The following GPR137C variants were observed in gnomAD, a reference collection of about 807,000 sequenced individuals.
GPR137C encodes G protein-coupled receptor 137C, also known as integral membrane protein GPR137C.
A neutral mutation model predicts 43.4 loss-of-function variants in GPR137C; 27 were observed. That is an observed-to-expected ratio of 0.62 (90% confidence interval 0.46 to 0.86). The LOEUF (loss-of-function observed/expected upper bound fraction) is 0.86, where lower values mean the gene tolerates loss of function less well. Among genes scored for constraint, GPR137C ranks in the 40% least tolerant of loss-of-function variants. The probability of loss-of-function intolerance (pLI) is 0.00; values close to 1 mark genes in which losing one functional copy is unlikely to be tolerated. For synonymous variants in GPR137C, 285 were observed against 226.9 expected (o/e 1.26, Z -2.30); for missense variants, 522 against 534.6 (o/e 0.98, Z 0.23).
intron 1 of GPR137C, among the ~76,000 whole-genome samples, chr14:52,585,844 A>AAT (rs1168467775): frequency 6.6e-6 from 1 of 152,130 alleles, no homozygotes; most frequent in African/African-American, 2.4e-5. Flanking sequence ...CAAAAAAAAA[A>AAT]GAAAAGAAAA....
At chr14:52,625,386 G>A (rs1450035220) in intron 3 of GPR137C, among the ~76,000 whole-genome samples, 1 of 150,380 alleles carries the variant, frequency 6.6e-6, no homozygotes, top group African/African-American at 2.4e-5. Context: ...GGAGACTGAG[G>A]CAGGAGAATC....
At chr14:52,576,437 G>A (rs117258857) in intron 1 of GPR137C, among the ~76,000 whole-genome samples, 2,871 of 152,252 alleles carry the variant, frequency 0.019, 60 homozygotes, top group Non-Finnish European at 0.023. Context: ...ATAGAGTGAA[G>A]GTGTCTTTTT....
At chr14:52,595,533 C>T (rs2038842757) in intron 1 of GPR137C, among the ~76,000 whole-genome samples, 1 of 152,020 alleles carries the variant, frequency 6.6e-6, no homozygotes, top group Non-Finnish European at 1.5e-5. Flanking sequence ...ACTCTTTTTT[C>T]TCTAATCTTG....
intron 1 of GPR137C, among the ~76,000 whole-genome samples, chr14:52,576,253 T>A (rs2038550233): frequency 6.6e-6 from 1 of 152,234 alleles, no homozygotes; most frequent in Admixed American, 6.5e-5. Flanking sequence ...TTATTTTACT[T>A]AGGATAATGG....
intron 1 of GPR137C, among the ~76,000 whole-genome samples, chr14:52,561,775 A>G (rs760896753): frequency 6.6e-6 from 1 of 152,094 alleles, no homozygotes; most frequent in African/African-American, 2.4e-5. Context: ...GAAAGTGCAA[A>G]CCTATGGTCA....
intron 3 of GPR137C, among the ~76,000 whole-genome samples, chr14:52,629,562 C>A (rs1033278905): frequency 3.3e-5 from 5 of 152,274 alleles, no homozygotes; most frequent in Admixed American, 3.3e-4. Context: ...ATCTCAGAAA[C>A]ATTCTGCAGA....
At chr14:52,561,060 A>G (rs1324215878) in intron 1 of GPR137C, among the ~76,000 whole-genome samples, 1 of 152,010 alleles carries the variant, frequency 6.6e-6, no homozygotes, top group Non-Finnish European at 1.5e-5. Flanking sequence ...CACAAAAAAG[A>G]TATATGCATA....
At chr14:52,579,339 A>G (rs2038610560) in intron 1 of GPR137C, among the ~76,000 whole-genome samples, 1 of 152,202 alleles carries the variant, frequency 6.6e-6, no homozygotes, top group Non-Finnish European at 1.5e-5. Flanking sequence ...GCCAGGATGA[A>G]GAAGAGGCAT....
intron 1 of GPR137C, among the ~76,000 whole-genome samples, chr14:52,555,198 G>A (rs946200893): frequency 1.3e-5 from 2 of 152,070 alleles, no homozygotes; most frequent in African/African-American, 4.8e-5. Context: ...GGCATCAGAT[G>A]ACTTGTTTTT....
rs1289676130 is a variant in GPR137C, at chr14:52,632,275, C to T, written c.833C>T (p.Pro278Leu). 6.2e-7 allele frequency: 1 copy of T among 1,610,736 alleles called. No individual in the cohort carries two copies. Among genetic ancestry groups the T allele is most frequent in the Admixed American group, 1.7e-5 (1 of 59,832 alleles). Residue 278 changes from proline to leucine, a missense_variant, in exon 4 of 7, where the codon CCA becomes CTA. Physicochemically the swap from Pro to Leu is moderately conservative, Grantham distance 98. This residue lies in a region of GPR137C where 437 missense variants were observed against 425.7 expected (regional missense o/e 1.03). Transcript: ENST00000321662. Reference protein sequence around the residue: ...VTISQDTLESPFNYGWDNLSD... With the variant: ...VTISQDTLESLFNYGWDNLSD... The stretch of plus-strand genomic sequence containing the variant: ...ATATCTCAGGATACATTAGAAAGTC[C>T]ATTTAATTATGGCTGGGATAATCTT...
In GPR137C at chr14:52,553,212, C is replaced by G; in HGVS notation, c.65C>G (p.Thr22Arg). The change falls in exon 1 of 7, where the codon ACG becomes AGG. Residue 22 changes from threonine to arginine, a missense_variant. Coordinates refer to ENST00000321662, the MANE Select transcript of GPR137C (RefSeq NM_001099652.2). ...CCCGCAGCCGGCCGCGAGCCCTCCA[C>G]GCCCGGCGGGGGCAGCGGAGGCGGA... ...AAPAAGREPS[T>R]PGGGSGGGGA... 7.9e-7 allele frequency: 1 copy of G among 1,263,896 alleles called. No individual in the cohort carries two copies. Among genetic ancestry groups the G allele is most frequent in the South Asian group, 2.8e-5 (1 of 35,740 alleles). 78.3% of individuals were successfully genotyped at this position (1,263,896 alleles called of 1,614,324 possible).
rs186531373 is a variant in GPR137C, at chr14:52,588,818, G to T, written c.445-9454G>T. On this transcript the variant is annotated intron_variant, in intron 1 of 6. Transcript: ENST00000321662. ...GTTTTATGATTTTTGTAATTATACTGTGGTTACATAGGAGAATTTTCATCT... is the reference window on the plus strand; with the variant it reads ...GTTTTATGATTTTTGTAATTATACTTTGGTTACATAGGAGAATTTTCATCT... Among the ~76,000 whole-genome samples the T allele has an allele frequency of 9.9e-5, 15 of 152,206 alleles. No individual in the cohort carries two copies. In the East Asian group the frequency reaches 2.9e-3, roughly 29 times the overall value.
At chr14:52,579,523 G>T (rs574193878) in intron 1 of GPR137C, among the ~76,000 whole-genome samples, 2 of 152,188 alleles carry the variant, frequency 1.3e-5, no homozygotes, top group Non-Finnish European at 2.9e-5. Flanking sequence ...TACTAGCTTG[G>T]GATTCATCTT....
intron 1 of GPR137C, among the ~76,000 whole-genome samples, chr14:52,568,233 CCATGAGG>C (rs902886226): frequency 1.3e-5 from 2 of 152,150 alleles, no homozygotes; most frequent in East Asian, 1.9e-4. Flanking sequence ...TCAAGGAAAG[CCATGAGG>C]GACTCTGCCT....
intron 1 of GPR137C, among the ~76,000 whole-genome samples, chr14:52,554,240 G>T (rs919710942): frequency 6.6e-6 from 1 of 152,132 alleles, no homozygotes; most frequent in Non-Finnish European, 1.5e-5. Flanking sequence ...CAGTTGCTTC[G>T]TGCTTTAGCG....
At chr14:52,569,605 T>G (rs560943337) in intron 1 of GPR137C, among the ~76,000 whole-genome samples, 20 of 151,856 alleles carry the variant, frequency 1.3e-4, no homozygotes, top group Admixed American at 1.1e-3. Flanking sequence ...ATAAATGACC[T>G]GATGGAGCTG....
At chr14:52,599,716 G>A (rs1396400087) in intron 2 of GPR137C, among the ~76,000 whole-genome samples, 1 of 152,180 alleles carries the variant, frequency 6.6e-6, no homozygotes, top group Non-Finnish European at 1.5e-5. Flanking sequence ...TTACAGGCAT[G>A]AGCCGCCATG....
Position 52,574,815 on chromosome 14 carries a change from A to G in GPR137C, c.444+21224A>G, listed in dbSNP as rs1176199647. On this transcript the variant is annotated intron_variant, in intron 1 of 6. Coordinates refer to ENST00000321662, the MANE Select transcript of GPR137C (RefSeq NM_001099652.2). ...TTCTGCTCCTTTTTCCCCCACCATTATTAGATCTATTTCCTTTGGTGAATC... is the reference window on the plus strand; with the variant it reads ...TTCTGCTCCTTTTTCCCCCACCATTGTTAGATCTATTTCCTTTGGTGAATC... Among the ~76,000 whole-genome samples, 9 of 152,136 alleles carry G rather than the reference A, an allele frequency of 5.9e-5. No homozygotes were observed. In the South Asian group the frequency reaches 1.4e-3, roughly 24 times the overall value.
chr14:52,562,923 C>G (rs762611275), intron 1 of GPR137C, among the ~76,000 whole-genome samples: 1 of 152,026 alleles, frequency 6.6e-6, no homozygotes, highest in South Asian at 2.1e-4. Context: ...CAAAAGCTAC[C>G]TAATACCTTT....
Sources: allele counts gnomAD v4.1 joint callset (sites outside exome capture counted in the v4.1 genomes callset), GRCh38; gene constraint gnomAD v4.1.1; regional missense constraint gnomAD v4.1.1; transcripts MANE v1.5; gene names NCBI Gene and HGNC (gene_info 2026-07-23, HGNC 2026-07-21).